Variants in GABRR2 observed in about 807,000 individuals in gnomAD.
GABRR2 encodes gamma-aminobutyric acid type A receptor subunit rho2, also known as gamma-aminobutyric acid receptor subunit rho-2.
In GABRR2, 36 loss-of-function variants were observed where a neutral mutation model predicts 47.0. That is an observed-to-expected ratio of 0.77 (90% confidence interval 0.59 to 1.01). The LOEUF is 1.01. Ranked by LOEUF, GABRR2 falls within the 50% of genes least tolerant of loss-of-function variation. The probability of loss-of-function intolerance (pLI) is 0.00; values close to 1 mark genes in which losing one functional copy is unlikely to be tolerated. For missense variants in GABRR2, 587 were observed against 594.6 expected (o/e 0.99, Z 0.13); for synonymous variants, 204 against 227.5 (o/e 0.90, Z 0.93).
chr6:89,311,404 T>A (rs1767679868), intron 1 of GABRR2, among the ~76,000 whole-genome samples: 1 of 152,140 alleles, frequency 6.6e-6, no homozygotes, highest in African/African-American at 2.4e-5. Context: ...AGAGTTTTTT[T>A]AAGAGATCAA....
intron 2 of GABRR2, among the ~76,000 whole-genome samples, chr6:89,273,539 T>C (rs560421145): frequency 1.3e-5 from 2 of 152,240 alleles, no homozygotes; most frequent in African/African-American, 4.8e-5. Context: ...CGGCCTGCAT[T>C]CTCTTTTTAT....
At chr6:89,292,173 G>A (rs971375345) in intron 2 of GABRR2, among the ~76,000 whole-genome samples, 6 of 151,464 alleles carry the variant, frequency 4.0e-5, no homozygotes, top group Admixed American at 2.0e-4. Context: ...ATTTTTTCCC[G>A]GCCATTCTGA....
At chr6:89,306,100 A>G (rs1164118775) in intron 1 of GABRR2, among the ~76,000 whole-genome samples, 1 of 151,236 alleles carries the variant, frequency 6.6e-6, no homozygotes, top group Non-Finnish European at 1.5e-5. Flanking sequence ...TTCTTGGCCG[A>G]GTGCAGTGGC....
chr6:89,283,282 T>C (rs1774282685), intron 2 of GABRR2, among the ~76,000 whole-genome samples: 1 of 152,168 alleles, frequency 6.6e-6, no homozygotes, highest in African/African-American at 2.4e-5. Context: ...TCCATATCTA[T>C]TTAGAGAATC....
rs549008205 is a variant in GABRR2 at position 89,260,977 on chromosome 6, C to T, written c.1087-2996G>A. ...TCCTACATTTGACAACAGCAGAGTA[C>T]GAGCTCTCACCTCAGGATGTCTGTT... is the stretch of plus-strand genomic sequence containing the variant. On this transcript the variant is annotated intron_variant, in intron 8 of 8. Coordinates refer to ENST00000402938, the MANE Select transcript of GABRR2 (RefSeq NM_002043.5). 4.0e-4 allele frequency among the ~76,000 whole-genome samples: 61 copies of T among 152,312 alleles called. 1 individual carries two copies. The highest frequency in any genetic ancestry group is 1.3e-3 in the Admixed American group (20 of 15,300).
At chr6:89,280,229 T>TATATATACATAC (rs1554197246) in intron 2 of GABRR2, among the ~76,000 whole-genome samples, 3 of 80,522 alleles carry the variant, frequency 3.7e-5, no homozygotes, top group African/African-American at 1.4e-4. Context: ...TATATATATA[T>TATATATACATAC]ATATATATAT....
chr6:89,259,642 T>TA (rs1166535609), intron 8 of GABRR2, among the ~76,000 whole-genome samples: 2 of 152,100 alleles, frequency 1.3e-5, no homozygotes, highest in African/African-American at 4.8e-5. Flanking sequence ...TAGCTGGGAT[T>TA]ACAGGTGCCC....
intron 1 of GABRR2, among the ~76,000 whole-genome samples, chr6:89,314,442 G>A (rs1358324527): frequency 6.6e-6 from 1 of 152,106 alleles, no homozygotes; most frequent in East Asian, 1.9e-4. Flanking sequence ...CAGATCCTGG[G>A]CTATTATTTC....
intron 3 of GABRR2, among the ~76,000 whole-genome samples, chr6:89,271,082 C>G (rs926989589): frequency 6.6e-6 from 1 of 152,058 alleles, no homozygotes; most frequent in Non-Finnish European, 1.5e-5. Flanking sequence ...CTCAAGATCC[C>G]TGAGGCAGAA....
At chr6:89,290,473 A>G (rs1460407656) in intron 2 of GABRR2, among the ~76,000 whole-genome samples, 4 of 152,236 alleles carry the variant, frequency 2.6e-5, no homozygotes, top group Non-Finnish European at 4.4e-5. Context: ...AGAGGCATGC[A>G]CAGGCCCTGG....
In GABRR2 at chr6:89,299,965, C is replaced by G. The variant is rs538410249; in HGVS notation, c.114-100G>C. ...CCTGCAAGATCTACCTGTTAGGTAC[C>G]TTTTCTCCATTCTACTTCTTGGCCC... On this transcript the variant is annotated intron_variant, in intron 1 of 8. Coordinates refer to ENST00000402938, the MANE Select transcript of GABRR2 (RefSeq NM_002043.5). 6 of 761,976 alleles carry G rather than the reference C, an allele frequency of 7.9e-6. No homozygotes were observed. The Admixed American group carries it at 8.4e-5, about 11-fold the overall frequency. The allele number at this position is 761,976 out of a possible 1,614,324, so 47.2% of individuals were successfully genotyped here.
Position 89,254,571 on chromosome 6 carries a change from T to G in GABRR2, c.*3099A>C, listed in dbSNP as rs752933130. ...TAATCATTGGCATTCCAGAATTTGA[T>G]TGTTAGTATTTTTTCTCAGTACATA... On this transcript the variant is annotated 3_prime_UTR_variant, in exon 9 of 9. Transcript: ENST00000402938. 6.6e-5 allele frequency among the ~76,000 whole-genome samples: 10 copies of G among 152,180 alleles called. No individual in the cohort carries two copies. Among genetic ancestry groups the G allele is most frequent in the South Asian group, 2.1e-4 (1 of 4,828 alleles).
At chr6:89,279,121 G>A (rs899615181) in intron 2 of GABRR2, among the ~76,000 whole-genome samples, 6 of 152,154 alleles carry the variant, frequency 3.9e-5, no homozygotes, top group South Asian at 2.1e-4. Flanking sequence ...GCCAGCTCCC[G>A]AGCAGGGTGG....
intron 8 of GABRR2, among the ~76,000 whole-genome samples, chr6:89,261,560 G>GT (rs1461824705): frequency 6.6e-6 from 1 of 152,162 alleles, no homozygotes; most frequent in Non-Finnish European, 1.5e-5. Context: ...AATAGAGATT[G>GT]TAAGACAGAA....
At chr6:89,301,360 G>T (rs937676243) in intron 1 of GABRR2, among the ~76,000 whole-genome samples, 1 of 152,136 alleles carries the variant, frequency 6.6e-6, no homozygotes, top group African/African-American at 2.4e-5. Context: ...ACATAGTATT[G>T]TAAGTCCTGG....
chr6:89,265,479 A>C (rs1355070450), intron 7 of GABRR2, 134 bp downstream of exon 7: 2 of 968,814 alleles, frequency 2.1e-6, no homozygotes, highest in Non-Finnish European at 2.9e-6. Context: ...TAAAGGCAAG[A>C]AACATGAAGT....
rs563071194 is a variant in GABRR2, at chr6:89,256,040, A to G, written c.*1630T>C. Among the ~76,000 whole-genome samples the G allele has an allele frequency of 6.6e-6, 1 of 151,802 alleles. No individual in the cohort carries two copies. The highest frequency in any genetic ancestry group is 6.6e-5 in the Admixed American group (1 of 15,200). On this transcript the variant is annotated 3_prime_UTR_variant, in exon 9 of 9. Transcript: ENST00000402938. ...ATCCTCCCGCCTCAGCCTCCTGAGT[A>G]GCTAGAACCCCAGGCACACACCACC...
intron 2 of GABRR2, among the ~76,000 whole-genome samples, chr6:89,291,275 C>T (rs991163904): frequency 3.3e-5 from 5 of 152,104 alleles, no homozygotes; most frequent in African/African-American, 1.2e-4. Flanking sequence ...CAGCCCGTGC[C>T]CTGCATCCAA....
At chr6:89,300,369 G>A (rs1440930729) in intron 1 of GABRR2, among the ~76,000 whole-genome samples, 1 of 152,008 alleles carries the variant, frequency 6.6e-6, no homozygotes, top group Non-Finnish European at 1.5e-5. Flanking sequence ...AATTAGCTGG[G>A]CATGGTGGCA....
Sources: gnomAD v4.1 joint callset for allele counts (sites outside exome capture counted in the v4.1 genomes callset) on GRCh38, gnomAD v4.1.1 for gene constraint, MANE v1.5 for transcripts, NCBI Gene and HGNC (gene_info 2026-07-23, HGNC 2026-07-21) for gene names.